Variants in KCNQ3 observed in about 807,000 individuals in gnomAD.
The protein encoded by KCNQ3 is potassium voltage-gated channel subfamily Q member 3.
KCNQ3 carries 30 observed loss-of-function variants against 92.5 expected under a neutral mutation model. The ratio of observed to expected loss-of-function variants is 0.32; its 90% confidence interval spans 0.24 to 0.44. The LOEUF (loss-of-function observed/expected upper bound fraction) is 0.44, where lower values mean the gene tolerates loss of function less well. KCNQ3 is among the 20% of genes least tolerant of loss of function. The pLI, the probability that KCNQ3 is intolerant of heterozygous loss-of-function variation, is 1.00. For synonymous variants in KCNQ3, 450 were observed against 468.8 expected (o/e 0.96, Z 0.52); for missense variants, 913 against 1,140.3 (o/e 0.80, Z 2.87).
At chr8:132,464,928 A>C (rs1193783089) in intron 1 of KCNQ3, among the ~76,000 whole-genome samples, 6 of 152,262 alleles carry the variant, frequency 3.9e-5, no homozygotes, top group Non-Finnish European at 8.8e-5. Context: ...GTGATCAGTC[A>C]GCATGTCTTG....
At position 132,208,783 on chromosome 8, in the gene KCNQ3, T is replaced by G. The variant is rs74642340; in HGVS notation, c.387-22602A>C. ...ATCAAAAGACTTCTTAGAGCAATTGTAAGATGTTGGGTGGGAGAAACAAGT... is the reference window on the plus strand; with the variant it reads ...ATCAAAAGACTTCTTAGAGCAATTGGAAGATGTTGGGTGGGAGAAACAAGT... On this transcript the variant is annotated intron_variant, in intron 1 of 14. Transcript: ENST00000388996. Among the ~76,000 whole-genome samples, 1,431 of 152,256 alleles carry G rather than the reference T, an allele frequency of 9.4e-3. 20 individuals are homozygous for G. The highest frequency in any genetic ancestry group is 0.033 in the African/African-American group (1,351 of 41,530).
chr8:132,302,804 T>A (rs1413685914), intron 1 of KCNQ3, among the ~76,000 whole-genome samples: 1 of 152,170 alleles, frequency 6.6e-6, no homozygotes, highest in Admixed American at 6.5e-5. Flanking sequence ...AATCCACCCA[T>A]CCCAAGACCT....
At position 132,186,224 on chromosome 8, in the gene KCNQ3, T is replaced by C. The variant is rs767466779; in HGVS notation, c.387-43A>G. 2.8e-5 allele frequency: 40 copies of C among 1,446,946 alleles called. 1 individual carries two copies. The South Asian group carries it at 4.6e-4, about 17-fold the overall frequency. The allele number at this position is 1,446,946 out of a possible 1,614,324, so 89.6% of individuals were successfully genotyped here. A position where few individuals can be genotyped will look rare whatever the true frequency, so the allele number is the denominator to read the frequency against. On this transcript the variant is annotated intron_variant, in intron 1 of 14. Transcript: ENST00000388996. ...AATGGACTAAGGAACCTTTGAGTCA[T>C]GGCTTGCTTTGAGGCTAAGATGGGG...
intron 1 of KCNQ3, among the ~76,000 whole-genome samples, chr8:132,434,458 T>C (rs1392155862): frequency 6.6e-6 from 1 of 152,194 alleles, no homozygotes; most frequent in Non-Finnish European, 1.5e-5. Flanking sequence ...ACAGATCTAT[T>C]CCAAGCACCT....
At chr8:132,427,387 A>G (rs1318701582) in intron 1 of KCNQ3, among the ~76,000 whole-genome samples, 1 of 152,158 alleles carries the variant, frequency 6.6e-6, no homozygotes, top group East Asian at 1.9e-4. Context: ...GTCTCCTTTA[A>G]CGTAAGGAGT....
chr8:132,291,465 A>G (rs1238640765), intron 1 of KCNQ3, among the ~76,000 whole-genome samples: 1 of 152,226 alleles, frequency 6.6e-6, no homozygotes, highest in East Asian at 1.9e-4. Flanking sequence ...CTATATTATC[A>G]TAAAGGCAAT....
rs891046185 is a variant in KCNQ3, at chr8:132,281,746, A to C, written c.387-95565T>G. On this transcript the variant is annotated intron_variant, in intron 1 of 14. Coordinates refer to ENST00000388996, the MANE Select transcript of KCNQ3 (RefSeq NM_004519.4). ...CACCATGTTTACTGCAGCCTGGGAG[A>C]ACTTTACAAAGTGAGGTTCATGTAG... 9.2e-5 allele frequency among the ~76,000 whole-genome samples: 14 copies of C among 152,130 alleles called. No individual in the cohort carries two copies. In the East Asian group the frequency reaches 2.5e-3, roughly 27 times the overall value.
chr8:132,442,867 G>C (rs1042292240), intron 1 of KCNQ3, among the ~76,000 whole-genome samples: 1 of 152,114 alleles, frequency 6.6e-6, no homozygotes, highest in Non-Finnish European at 1.5e-5. Flanking sequence ...TCTAGATTTA[G>C]AGAAAAAAAT....
At chr8:132,154,642 A>C (rs1329697351) in intron 9 of KCNQ3, among the ~76,000 whole-genome samples, 3 of 152,186 alleles carry the variant, frequency 2.0e-5, no homozygotes, top group African/African-American at 4.8e-5. Context: ...GTGGGGCTGC[A>C]GGAAGTTTGT....
chr8:132,132,381 G>T, intron 13 of KCNQ3, 117 bp from the exon 14 acceptor site: 1 of 792,664 alleles, frequency 1.3e-6, no homozygotes, highest in Non-Finnish European at 2.2e-6. Context: ...ACACTTGTGT[G>T]GCATAAAAGA....
intron 1 of KCNQ3, among the ~76,000 whole-genome samples, chr8:132,361,045 C>T (rs965863045): frequency 6.6e-6 from 1 of 152,128 alleles, no homozygotes; most frequent in African/African-American, 2.4e-5. Context: ...GGTTTCCATT[C>T]CACCCTCTCA....
At chr8:132,314,284 A>C (rs1817678530) in intron 1 of KCNQ3, among the ~76,000 whole-genome samples, 2 of 152,220 alleles carry the variant, frequency 1.3e-5, no homozygotes, top group Non-Finnish European at 2.9e-5. Context: ...TCCAGCAACC[A>C]TATGATGAGG....
At chr8:132,408,469 C>T (rs1419130301) in intron 1 of KCNQ3, among the ~76,000 whole-genome samples, 2 of 152,160 alleles carry the variant, frequency 1.3e-5, no homozygotes, top group African/African-American at 4.8e-5. Flanking sequence ...ATGAATTAAA[C>T]ATGGGCCCTG....
At chr8:132,463,890 G>A (rs192034360) in intron 1 of KCNQ3, among the ~76,000 whole-genome samples, 198 of 152,254 alleles carry the variant, frequency 1.3e-3, no homozygotes, top group African/African-American at 3.7e-3. Flanking sequence ...TCGGCTCACC[G>A]CAACCTCCGC....
At chr8:132,172,397 T>TACACAC (rs35831322) in intron 7 of KCNQ3, among the ~76,000 whole-genome samples, 1,733 of 140,462 alleles carry the variant, frequency 0.012, 24 homozygotes, top group African/African-American at 0.041. Flanking sequence ...GGCACATTAA[T>TACACAC]ACACACACAC....
chr8:132,125,932 C>T lies in KCNQ3; in HGVS notation c.*3330G>A, dbSNP rs1356722961. The T allele has an allele frequency of 1.3e-5, 2 of 152,082 alleles. No individual in the cohort carries two copies. The highest frequency in any genetic ancestry group is 1.3e-4 in the Admixed American group (2 of 15,270). The allele number at this position is 152,082 out of a possible 1,614,324, so 9.4% of individuals were successfully genotyped here. A position where few individuals can be genotyped will look rare whatever the true frequency, so the allele number is the denominator to read the frequency against. On this transcript the variant is annotated 3_prime_UTR_variant, in exon 15 of 15. Coordinates refer to ENST00000388996, the MANE Select transcript of KCNQ3 (RefSeq NM_004519.4). ...TAAGCTTTTGATATTTGCTTTTGTGCTGACATTTGATAGTCAAAACTCAAA... is the reference window on the plus strand; with the variant it reads ...TAAGCTTTTGATATTTGCTTTTGTGTTGACATTTGATAGTCAAAACTCAAA...
intron 6 of KCNQ3, among the ~76,000 whole-genome samples, chr8:132,173,988 T>C (rs534761918): frequency 6.6e-6 from 1 of 152,220 alleles, no homozygotes; most frequent in African/African-American, 2.4e-5. Flanking sequence ...ATTCCCAGAG[T>C]TATGCCCAGA....
At chr8:132,215,866 T>C (rs1267562181) in intron 1 of KCNQ3, among the ~76,000 whole-genome samples, 1 of 152,190 alleles carries the variant, frequency 6.6e-6, no homozygotes, top group African/African-American at 2.4e-5. Context: ...TTTGCTAAAG[T>C]TGTCCCTTAG....
chr8:132,124,324 G>A lies in KCNQ3; in HGVS notation c.*4938C>T, dbSNP rs779040790. The A allele has an allele frequency of 1.3e-5, 2 of 152,176 alleles. No individual in the cohort carries two copies. The highest frequency in any genetic ancestry group is 2.9e-5 in the Non-Finnish European group (2 of 68,034). The allele number at this position is 152,176 out of a possible 1,614,324, so 9.4% of individuals were successfully genotyped here. On this transcript the variant is annotated 3_prime_UTR_variant, in exon 15 of 15. Coordinates refer to ENST00000388996, the MANE Select transcript of KCNQ3 (RefSeq NM_004519.4). ...GAGTTTATAAGTAACACCAAAGACTGAGACAATGAAGTCCATGCATACTGT... is the reference window on the plus strand; with the variant it reads ...GAGTTTATAAGTAACACCAAAGACTAAGACAATGAAGTCCATGCATACTGT...
Sources: allele counts gnomAD v4.1 joint callset (sites outside exome capture counted in the v4.1 genomes callset), GRCh38; gene constraint gnomAD v4.1.1; transcripts MANE v1.5; gene names NCBI Gene and HGNC (gene_info 2026-07-23, HGNC 2026-07-21).